Variants in ANKRD44 observed in about 807,000 individuals in gnomAD.
ANKRD44 encodes the protein serine/threonine-protein phosphatase 6 regulatory ankyrin repeat subunit B.
ANKRD44 carries 35 observed loss-of-function variants against 116.0 expected under a neutral mutation model. That is an observed-to-expected ratio of 0.30 (90% CI 0.23 to 0.40). The LOEUF is 0.40. ANKRD44 is among the 10% of genes least tolerant of loss of function. The pLI is 1.00. For synonymous variants in ANKRD44, 435 were observed against 461.8 expected (o/e 0.94, Z 0.74); for missense variants, 1,014 against 1,242.6 (o/e 0.82, Z 2.77).
chr2:197,146,959 G>C (rs2079520458), intron 3 of ANKRD44, 68 bp downstream of exon 3: 3 of 1,422,784 alleles, frequency 2.1e-6, no homozygotes, highest in South Asian at 1.2e-5. Flanking sequence ...CACTGTAGTA[G>C]TCAATCTAGT....
chr2:197,276,299 A>T (rs1216043863), intron 1 of ANKRD44, among the ~76,000 whole-genome samples: 1 of 151,146 alleles, frequency 6.6e-6, no homozygotes, highest in Non-Finnish European at 1.5e-5. Context: ...AAAAAAGGAA[A>T]ATTAAAAAAA....
At chr2:197,032,304 C>T (rs564830728) in intron 16 of ANKRD44, among the ~76,000 whole-genome samples, 4 of 151,720 alleles carry the variant, frequency 2.6e-5, no homozygotes, top group South Asian at 4.2e-4. Context: ...ATTTCAACTG[C>T]GGGATTTCTA....
At position 197,266,254 on chromosome 2, in the gene ANKRD44, A is replaced by T. The variant is rs576001617; in HGVS notation, c.27+44324T>A. Among the ~76,000 whole-genome samples the T allele has an allele frequency of 3.3e-5, 5 of 152,148 alleles. No individual in the cohort carries two copies. The South Asian group carries it at 1.0e-3, about 32-fold the overall frequency. On this transcript the variant is annotated intron_variant, in intron 1 of 27. Transcript: ENST00000282272. ...CATTTTCAGTCCTTTCTGATTAAGG[A>T]CCAAAATAAAAGCTCAGTAGCTACT...
At chr2:197,048,257 C>T (rs575580508) in intron 16 of ANKRD44, among the ~76,000 whole-genome samples, 1 of 152,134 alleles carries the variant, frequency 6.6e-6, no homozygotes, top group African/African-American at 2.4e-5. Context: ...TGATACATAG[C>T]TATACATATG....
intron 3 of ANKRD44, among the ~76,000 whole-genome samples, chr2:197,141,313 T>C (rs1466842319): frequency 6.6e-6 from 1 of 152,260 alleles, no homozygotes; most frequent in Non-Finnish European, 1.5e-5. Flanking sequence ...TCTTCTAATA[T>C]GTTTGATTAC....
intron 2 of ANKRD44, among the ~76,000 whole-genome samples, chr2:197,162,336 T>C (rs1283543990): frequency 6.6e-6 from 1 of 152,252 alleles, no homozygotes; most frequent in Non-Finnish European, 1.5e-5. Flanking sequence ...CAGAGCTCTA[T>C]GACCTTTGGT....
At chr2:196,995,882 C>T (rs1303411328) in intron 25 of ANKRD44, among the ~76,000 whole-genome samples, 1 of 152,174 alleles carries the variant, frequency 6.6e-6, no homozygotes, top group Non-Finnish European at 1.5e-5. Flanking sequence ...TCCATTTATC[C>T]TTGGAATTCC....
chr2:197,012,487 G>A (rs1319917894), intron 18 of ANKRD44, among the ~76,000 whole-genome samples: 1 of 150,896 alleles, frequency 6.6e-6, no homozygotes, highest in Non-Finnish European at 1.5e-5. Flanking sequence ...TAAATGTGAT[G>A]AGAAATGAGA....
At chr2:197,094,198 G>T (rs2078109176) in intron 10 of ANKRD44, among the ~76,000 whole-genome samples, 1 of 152,170 alleles carries the variant, frequency 6.6e-6, no homozygotes, top group Admixed American at 6.5e-5. Flanking sequence ...GGCCATGTGG[G>T]TAAAGAATAC....
chr2:197,069,808 A>C (rs187474988), intron 16 of ANKRD44, among the ~76,000 whole-genome samples: 165 of 152,190 alleles, frequency 1.1e-3, no homozygotes, highest in African/African-American at 3.8e-3. Context: ...TAGAATTTTG[A>C]TAAGAATTGT....
rs2081944590 is a variant in ANKRD44, at chr2:197,234,815, C to A, written c.28-47709G>T. On this transcript the variant is annotated intron_variant, in intron 1 of 27. Transcript: ENST00000282272. ...ACTTGAGCAAAGTTCTTTCCAGTAT[C>A]CCCTTCCTGCCCCAGTTGCCTAATG... 2.6e-5 allele frequency among the ~76,000 whole-genome samples: 4 copies of A among 152,180 alleles called. No homozygotes were observed. The South Asian group carries it at 8.3e-4, about 31-fold the overall frequency.
intron 10 of ANKRD44, among the ~76,000 whole-genome samples, chr2:197,094,272 C>T (rs1160450648): frequency 2.0e-5 from 3 of 152,190 alleles, no homozygotes; most frequent in Non-Finnish European, 4.4e-5. Flanking sequence ...TTGCTATCTA[C>T]TTCACCTTTG....
At chr2:197,186,941 G>T in intron 2 of ANKRD44, 82 bp downstream of exon 2, 1 of 1,106,730 alleles carries the variant, frequency 9.0e-7, no homozygotes, top group Non-Finnish European at 1.4e-6. Context: ...GATATCAAGA[G>T]TCCATGGTAT....
chr2:197,287,323 A>T (rs560646757), intron 1 of ANKRD44, among the ~76,000 whole-genome samples: 15 of 152,188 alleles, frequency 9.9e-5, no homozygotes, highest in South Asian at 2.1e-4. Context: ...CCAACTGATT[A>T]AAAAAAATGG....
rs2076875090 is a variant in ANKRD44, at chr2:197,039,745, G to C, written c.1651-14478C>G. ...TGTGTGAAGGGGCAGGGGAGAGGAG[G>C]ACAAAAATGAAAGGTCTATGTTAAT... On this transcript the variant is annotated intron_variant, in intron 16 of 27. Coordinates refer to ENST00000282272, the MANE Select transcript of ANKRD44 (RefSeq NM_001195144.2). 3.4e-5 allele frequency among the ~76,000 whole-genome samples: 5 copies of C among 149,184 alleles called. No individual in the cohort carries two copies. In the South Asian group the frequency reaches 1.1e-3, roughly 31 times the overall value.
intron 9 of ANKRD44, among the ~76,000 whole-genome samples, chr2:197,108,313 G>C (rs890487740): frequency 1.3e-5 from 2 of 152,186 alleles, no homozygotes; most frequent in African/African-American, 4.8e-5. Context: ...GTTTAGCCAA[G>C]TGCCTGGCAC....
intron 2 of ANKRD44, among the ~76,000 whole-genome samples, chr2:197,150,536 G>A (rs867625151): frequency 5.3e-5 from 8 of 152,014 alleles, no homozygotes; most frequent in Middle Eastern, 6.8e-3. Context: ...GTGACAGAGC[G>A]AGACTCCATC....
intron 8 of ANKRD44, among the ~76,000 whole-genome samples, chr2:197,115,835 G>T (rs1444325829): frequency 6.6e-6 from 1 of 152,300 alleles, no homozygotes; most frequent in South Asian, 2.1e-4. Flanking sequence ...TGCATCCAGA[G>T]TGAATCTGGA....
At chr2:196,973,614 G>A (rs1301032151) in intron 21 of ANKRD44, among the ~76,000 whole-genome samples, 1 of 152,110 alleles carries the variant, frequency 6.6e-6, no homozygotes, top group Admixed American at 6.5e-5. Flanking sequence ...CTTCTCACTA[G>A]AGGAAACACT....
Sources: gnomAD v4.1 joint callset for allele counts (sites outside exome capture counted in the v4.1 genomes callset) on GRCh38, gnomAD v4.1.1 for gene constraint, MANE v1.5 for transcripts, NCBI Gene and HGNC (gene_info 2026-07-23, HGNC 2026-07-21) for gene names.